PLXNA4: variants seen among roughly 807,000 people sequenced by gnomAD.
PLXNA4 encodes plexin A4.
Under a neutral mutation model 191.8 loss-of-function variants are expected in PLXNA4, and 44 were observed. The observed-to-expected ratio is 0.23, with a 90% CI of 0.18 to 0.29. The LOEUF (loss-of-function observed/expected upper bound fraction) is 0.29, where lower values mean the gene tolerates loss of function less well. PLXNA4 is among the 10% of genes least tolerant of loss of function. The pLI is 1.00. For missense variants in PLXNA4, 1,800 were observed against 2,488.8 expected (o/e 0.72, Z 5.89); for synonymous variants, 1,082 against 1,009.5 (o/e 1.07, Z -1.36).
chr7:132,175,124 C>T (rs1396913417), intron 20 of PLXNA4, among the ~76,000 whole-genome samples: 1 of 152,174 alleles, frequency 6.6e-6, no homozygotes, highest in East Asian at 1.9e-4. Flanking sequence ...AGATGTAGTG[C>T]AAGAAACCTT....
At chr7:132,481,730 T>C (rs963700435) in intron 3 of PLXNA4, among the ~76,000 whole-genome samples, 2 of 152,214 alleles carry the variant, frequency 1.3e-5, no homozygotes, top group Admixed American at 1.3e-4. Flanking sequence ...GGATTCTCCA[T>C]GGCCACACAG....
intron 2 of PLXNA4, among the ~76,000 whole-genome samples, chr7:132,496,235 C>A (rs564043467): frequency 6.6e-6 from 1 of 152,254 alleles, no homozygotes; most frequent in South Asian, 2.1e-4. Context: ...ATTTCAGATG[C>A]GGAAAATAAC....
intron 4 of PLXNA4, among the ~76,000 whole-genome samples, chr7:132,254,701 C>T (rs182614231): frequency 3.3e-5 from 5 of 152,286 alleles, no homozygotes; most frequent in Admixed American, 3.3e-4. Context: ...CAGGAGCTGA[C>T]CCCACCGGAC....
intron 25 of PLXNA4, among the ~76,000 whole-genome samples, chr7:132,149,492 T>C (rs1199373232): frequency 6.6e-6 from 1 of 152,188 alleles, no homozygotes; most frequent in Non-Finnish European, 1.5e-5. Flanking sequence ...TCCATGTGCA[T>C]GTCAGACACA....
intron 5 of PLXNA4, among the ~76,000 whole-genome samples, chr7:132,233,139 A>G (rs1013294902): frequency 3.3e-5 from 5 of 152,230 alleles, no homozygotes; most frequent in African/African-American, 9.6e-5. Flanking sequence ...CAGACCTAAT[A>G]GAAAAGTTAA....
intron 1 of PLXNA4, among the ~76,000 whole-genome samples, chr7:132,546,044 C>T (rs567653336): frequency 6.6e-6 from 1 of 152,328 alleles, no homozygotes; most frequent in African/African-American, 2.4e-5. Flanking sequence ...GCTTTAACAC[C>T]AACCCAAATG....
intron 11 of PLXNA4, 150 bp from the exon 12 acceptor site, chr7:132,202,986 A>G: frequency 1.2e-6 from 1 of 838,684 alleles, no homozygotes; most frequent in East Asian, 2.8e-5. Flanking sequence ...TGCAAAAAAG[A>G]ACCTGAAAGA....
chr7:132,225,903 C>T (rs1397847155), intron 8 of PLXNA4, among the ~76,000 whole-genome samples: 1 of 152,158 alleles, frequency 6.6e-6, no homozygotes, highest in Non-Finnish European at 1.5e-5. Flanking sequence ...TGGAGAGCCC[C>T]ACTCCATAAG....
At chr7:132,493,808 T>A (rs1337572285) in intron 2 of PLXNA4, among the ~76,000 whole-genome samples, 1 of 151,916 alleles carries the variant, frequency 6.6e-6, no homozygotes, top group Non-Finnish European at 1.5e-5. Context: ...GTTGGACAGA[T>A]AGATAAATAA....
chr7:132,354,358 G>C (rs1001693495), intron 3 of PLXNA4, among the ~76,000 whole-genome samples: 1 of 152,166 alleles, frequency 6.6e-6, no homozygotes, highest in Non-Finnish European at 1.5e-5. Context: ...AATCTTTTTA[G>C]GGCTCAGTTT....
chr7:132,208,526 G>A (rs1465945490), intron 10 of PLXNA4, among the ~76,000 whole-genome samples: 2 of 152,132 alleles, frequency 1.3e-5, no homozygotes, highest in Non-Finnish European at 2.9e-5. Flanking sequence ...GTCCTGAGTT[G>A]GGGGCAGGGC....
At position 132,198,472 on chromosome 7, in the gene PLXNA4, C is replaced by G. The variant is rs1797323406; in HGVS notation, c.2738+13G>C. 2 of 1,612,564 alleles carry G rather than the reference C, an allele frequency of 1.2e-6. No homozygotes were observed. The highest frequency in any genetic ancestry group is 2.2e-5 in the South Asian group (2 of 90,842). ...TCCCCTGTTCCTCCTGTGTTGCATG[C>G]AGCTTCACTTACTGTTCTGCAGGGA... On this transcript the variant is annotated intron_variant, in intron 13 of 31. Coordinates refer to ENST00000321063, the MANE Select transcript of PLXNA4 (RefSeq NM_020911.2).
intron 1 of PLXNA4, among the ~76,000 whole-genome samples, chr7:132,564,781 T>A (rs1447371870): frequency 1.3e-5 from 2 of 152,180 alleles, no homozygotes; most frequent in Non-Finnish European, 2.9e-5. Flanking sequence ...CATCGAGGAA[T>A]CTTACGAATC....
chr7:132,382,268 G>C (rs562088091), intron 3 of PLXNA4, among the ~76,000 whole-genome samples: 1 of 152,304 alleles, frequency 6.6e-6, no homozygotes, highest in East Asian at 1.9e-4. Context: ...TCAGAAAGAC[G>C]CATTCCAGGC....
chr7:132,382,319 G>A (rs563900429), intron 3 of PLXNA4, among the ~76,000 whole-genome samples: 10 of 152,074 alleles, frequency 6.6e-5, no homozygotes, highest in Admixed American at 2.6e-4. Flanking sequence ...TTGCCTGCTT[G>A]GATAATATTT....
At chr7:132,612,386 C>T (rs1388906715) in intron 2 of PLXNA4, among the ~76,000 whole-genome samples, 4 of 152,094 alleles carry the variant, frequency 2.6e-5, no homozygotes, top group African/African-American at 9.7e-5. Flanking sequence ...CCTGGCCAGG[C>T]GCGGTGGCTC....
intron 4 of PLXNA4, among the ~76,000 whole-genome samples, chr7:132,270,309 C>T (rs1800017785): frequency 6.6e-6 from 1 of 152,170 alleles, no homozygotes; most frequent in Non-Finnish European, 1.5e-5. Flanking sequence ...GGGAGAGATT[C>T]ACAGACAATA....
chr7:132,127,485 G>A lies in PLXNA4; in HGVS notation c.*2994C>T, dbSNP rs1202741449. The stretch of plus-strand genomic sequence containing the variant: ...GTTTGGAAAAAAGATTTGGGTGGGG[G>A]ATGGGGGGCAAGGACAGCTTTTTGA... On this transcript the variant is annotated 3_prime_UTR_variant, in exon 32 of 32. Coordinates refer to ENST00000321063, the MANE Select transcript of PLXNA4 (RefSeq NM_020911.2). 6.6e-6 allele frequency: 1 copy of A among 152,110 alleles called. No individual in the cohort carries two copies. Among genetic ancestry groups the A allele is most frequent in the Non-Finnish European group, 1.5e-5 (1 of 68,040 alleles). The allele number at this position is 152,110 out of a possible 1,614,324, so 9.4% of individuals were successfully genotyped here. A position where few individuals can be genotyped will look rare whatever the true frequency, so the allele number is the denominator to read the frequency against.
chr7:132,426,935 G>A (rs7357100), intron 3 of PLXNA4, among the ~76,000 whole-genome samples: 15,426 of 152,188 alleles, frequency 0.1, 1,439 homozygotes, highest in African/African-American at 0.22. Flanking sequence ...GTAGCCCCTA[G>A]AGTCCTAGAG....
Sources: allele counts gnomAD v4.1 joint callset (sites outside exome capture counted in the v4.1 genomes callset), GRCh38; gene constraint gnomAD v4.1.1; transcripts MANE v1.5; gene names NCBI Gene and HGNC (gene_info 2026-07-23, HGNC 2026-07-21).